Variants in RNLS observed in about 807,000 individuals in gnomAD.
RNLS encodes the protein renalase, FAD dependent amine oxidase.
A neutral mutation model predicts 39.8 loss-of-function variants in RNLS; 39 were observed. That is an observed-to-expected ratio of 0.98 (90% CI 0.76 to 1.28). The LOEUF (loss-of-function observed/expected upper bound fraction) is 1.28, where lower values mean the gene tolerates loss of function less well. Ranked by LOEUF, RNLS falls within the 50% of genes most tolerant of loss-of-function variation. The pLI is 0.00. For synonymous variants in RNLS, 147 were observed against 150.7 expected (o/e 0.98, Z 0.18); for missense variants, 410 against 413.3 (o/e 0.99, Z 0.07).
chr10:88,391,264 A>G (rs792234), intron 4 of RNLS, among the ~76,000 whole-genome samples: 106,964 of 152,152 alleles, frequency 0.7, 38,579 homozygotes, highest in African/African-American at 0.86. Context: ...GTAATTTTAA[A>G]ATAATGTGTA....
At chr10:88,351,553 T>C (rs1008831868) in intron 5 of RNLS, among the ~76,000 whole-genome samples, 2 of 152,212 alleles carry the variant, frequency 1.3e-5, no homozygotes, top group Non-Finnish European at 2.9e-5. Context: ...TGTGTGGTAT[T>C]ATTTCTGAGG....
rs1204904469 is a variant in RNLS, at chr10:88,524,185, C to A, written c.526+48718G>T. On this transcript the variant is annotated intron_variant, in intron 4 of 6. Transcript: ENST00000331772. ...TCTTTCCCTGGCTATAGGCAGTGCCCCCTGATGGCTTCCTGGGCCCTGCTT... is the reference window on the plus strand; with the variant it reads ...TCTTTCCCTGGCTATAGGCAGTGCCACCTGATGGCTTCCTGGGCCCTGCTT... 3.9e-5 allele frequency among the ~76,000 whole-genome samples: 6 copies of A among 152,064 alleles called. No homozygotes were observed. In the South Asian group the frequency reaches 1.2e-3, roughly 31 times the overall value.
At chr10:88,478,246 C>A (rs1843938097) in intron 4 of RNLS, among the ~76,000 whole-genome samples, 2 of 152,182 alleles carry the variant, frequency 1.3e-5, no homozygotes, top group Non-Finnish European at 2.9e-5. Context: ...TCCCAAGTTT[C>A]TTAGGCTTGA....
intron 4 of RNLS, among the ~76,000 whole-genome samples, chr10:88,382,124 A>AGTT (rs1851556951): frequency 6.6e-6 from 1 of 152,110 alleles, no homozygotes; most frequent in Non-Finnish European, 1.5e-5. Flanking sequence ...ATACTGACAT[A>AGTT]GTTATCATTT....
At chr10:88,311,171 A>C (rs1168098538) in intron 6 of RNLS, among the ~76,000 whole-genome samples, 1 of 152,212 alleles carries the variant, frequency 6.6e-6, no homozygotes, top group Non-Finnish European at 1.5e-5. Context: ...TGCAAATCAG[A>C]AATTTACTAT....
chr10:88,356,597 GTATTATA>G (rs1397589333), intron 5 of RNLS, among the ~76,000 whole-genome samples: 1 of 152,136 alleles, frequency 6.6e-6, no homozygotes, highest in African/African-American at 2.4e-5. Flanking sequence ...GCCATTGAAG[GTATTATA>G]TATTATATTA....
chr10:88,243,608 A>C, the RNLS span, among the ~76,000 whole-genome samples: 1 of 152,226 alleles, frequency 6.6e-6, no homozygotes, highest in Admixed American at 6.5e-5. Flanking sequence ...CACAAGAAAA[A>C]TCCAATTCAT....
At chr10:88,421,566 T>C in intron 4 of RNLS, among the ~76,000 whole-genome samples, 1 of 152,292 alleles carries the variant, frequency 6.6e-6, no homozygotes, top group East Asian at 1.9e-4. Context: ...GAAGTGGTCT[T>C]CTAATTAGAT....
chr10:88,494,974 C>A (rs139540836), intron 4 of RNLS, among the ~76,000 whole-genome samples: 7 of 152,230 alleles, frequency 4.6e-5, no homozygotes, highest in African/African-American at 1.7e-4. Flanking sequence ...TCCAGGCATC[C>A]TTCCCCAAAT....
At chr10:88,325,819 G>C (rs1247699754) in intron 5 of RNLS, among the ~76,000 whole-genome samples, 1 of 152,084 alleles carries the variant, frequency 6.6e-6, no homozygotes, top group East Asian at 1.9e-4. Context: ...ATGTGTCTAG[G>C]GAGAGAACTG....
At chr10:88,565,968 C>CG (rs1426983705) in intron 4 of RNLS, among the ~76,000 whole-genome samples, 5 of 151,650 alleles carry the variant, frequency 3.3e-5, no homozygotes, top group Non-Finnish European at 7.4e-5. Flanking sequence ...AGGATGGTCT[C>CG]GATCTCTTGA....
chr10:88,205,608 A>T, the RNLS span, among the ~76,000 whole-genome samples: 1 of 152,214 alleles, frequency 6.6e-6, no homozygotes, highest in Non-Finnish European at 1.5e-5. Context: ...AAAGAGGCCA[A>T]GGTACTAGAC....
intron 4 of RNLS, among the ~76,000 whole-genome samples, chr10:88,376,070 A>C (rs1353976174): frequency 2.0e-5 from 3 of 152,260 alleles, no homozygotes; most frequent in East Asian, 3.9e-4. Context: ...CTGTGGGGTC[A>C]TGGTGTCCAC....
the RNLS span, among the ~76,000 whole-genome samples, chr10:88,214,711 C>A: frequency 1.3e-5 from 2 of 152,066 alleles, no homozygotes; most frequent in African/African-American, 2.4e-5. Context: ...TTGTACAGTG[C>A]ATTTAAAACA....
chr10:88,379,892 G>C (rs57949777), intron 4 of RNLS, among the ~76,000 whole-genome samples: 17,020 of 152,156 alleles, frequency 0.11, 1,151 homozygotes, highest in East Asian at 0.37. Context: ...CAACAGACTT[G>C]TGAGTGAAGA....
chr10:88,327,405 T>C (rs963477004), intron 5 of RNLS, among the ~76,000 whole-genome samples: 3 of 152,076 alleles, frequency 2.0e-5, no homozygotes, highest in Admixed American at 6.5e-5. Flanking sequence ...TGAGTTCTCA[T>C]GAGATCTGAT....
chr10:88,460,359 T>C (rs1842878838), intron 4 of RNLS, among the ~76,000 whole-genome samples: 1 of 152,140 alleles, frequency 6.6e-6, no homozygotes. Flanking sequence ...ACATTTGTAG[T>C]TCCTTCTGCC....
chr10:88,450,581 C>G (rs369738670), intron 4 of RNLS, among the ~76,000 whole-genome samples: 7 of 152,288 alleles, frequency 4.6e-5, no homozygotes, highest in African/African-American at 1.4e-4. Context: ...CATAGTGGTA[C>G]AGACCACATA....
intron 4 of RNLS, among the ~76,000 whole-genome samples, chr10:88,403,884 A>G (rs76137893): frequency 4.7e-5 from 7 of 149,474 alleles, no homozygotes; most frequent in African/African-American, 1.2e-4. Flanking sequence ...AATAAAACAT[A>G]AAAAAAAAAT....
Sources: allele counts gnomAD v4.1 joint callset (sites outside exome capture counted in the v4.1 genomes callset), GRCh38; gene constraint gnomAD v4.1.1; transcripts MANE v1.5; gene names NCBI Gene and HGNC (gene_info 2026-07-23, HGNC 2026-07-21).